SF3A2: variants seen among roughly 807,000 people sequenced by gnomAD.
SF3A2 encodes splicing factor 3a subunit 2, also known as SAP 62.
In SF3A2, 5 loss-of-function variants were observed where a neutral mutation model predicts 31.1. The ratio of observed to expected loss-of-function variants is 0.16; its 90% CI spans 0.08 to 0.34. The LOEUF (loss-of-function observed/expected upper bound fraction) is 0.34, where lower values mean the gene tolerates loss of function less well. Ranked by LOEUF, SF3A2 falls within the 10% of genes least tolerant of loss-of-function variation. SF3A2 has a pLI of 1.00. For synonymous variants in SF3A2, 365 were observed against 263.7 expected (o/e 1.38, Z -3.72); for missense variants, 577 against 643.9 (o/e 0.90, Z 1.13).
At chr19:2,239,371 A>G (rs2024869211) in intron 1 of SF3A2, among the ~76,000 whole-genome samples, 1 of 150,922 alleles carries the variant, frequency 6.6e-6, no homozygotes, top group African/African-American at 2.5e-5. Context: ...AAAAAAAAAA[A>G]AAAAGAGAGA....
chr19:2,244,421 A>G, intron 2 of SF3A2, 123 bp from the exon 3 acceptor site: 1 of 743,250 alleles, frequency 1.3e-6, no homozygotes, highest in South Asian at 1.6e-5. Flanking sequence ...AGCGGTAGCC[A>G]TGCCTCTACA....
intron 1 of SF3A2, chr19:2,237,285 G>T (rs567385769): frequency 6.6e-6 from 1 of 151,590 alleles, no homozygotes; most frequent in Non-Finnish European, 1.5e-5. Context: ...GCCAGGAGTG[G>T]TGGTTGTACC....
intron 2 of SF3A2, 61 bp from the exon 3 acceptor site, chr19:2,244,483 G>T: frequency 7.4e-7 from 1 of 1,359,624 alleles, no homozygotes; most frequent in South Asian, 1.2e-5. Context: ...CCGCCTCTGA[G>T]GGCCTTGACG....
chr19:2,241,171 G>A (rs929894900), intron 1 of SF3A2, among the ~76,000 whole-genome samples: 5 of 152,284 alleles, frequency 3.3e-5, no homozygotes, highest in Admixed American at 6.5e-5. Flanking sequence ...GGAGCAGGTC[G>A]TCCTCCCGGG....
At chr19:2,247,311 G>C (rs1005572526) in intron 7 of SF3A2, 1 of 551,606 alleles carries the variant, frequency 1.8e-6, no homozygotes, top group African/African-American at 1.9e-5. Flanking sequence ...GGCTGCTGGA[G>C]GGCTTCCTAC....
Position 2,245,370 on chromosome 19 carries a change from G to A in SF3A2, c.246-76G>A. 1 of 1,093,350 alleles carries A rather than the reference G, an allele frequency of 9.1e-7. No homozygotes were observed. Among genetic ancestry groups the A allele is most frequent in the South Asian group, 1.4e-5 (1 of 72,684 alleles). The allele number at this position is 1,093,350 out of a possible 1,614,324, so 67.7% of individuals were successfully genotyped here. A position where few individuals can be genotyped will look rare whatever the true frequency, so the allele number is the denominator to read the frequency against. ...TTGTAGTGAGCTCCAAGGTCAGGGG[G>A]CTCCTGGCACCTGGGCCCATGGCTT... On this transcript the variant is annotated intron_variant, in intron 4 of 8. Transcript: ENST00000221494. This position sits in a 1 kb window ranked among gnomAD's most constrained non-coding sequence, Gnocchi z 4.2.
In SF3A2 at chr19:2,247,934, G is replaced by T; in HGVS notation, c.783G>T (p.Leu261=). 6.6e-7 allele frequency: 1 copy of T among 1,513,468 alleles called. No individual in the cohort carries two copies. The highest frequency in any genetic ancestry group is 9.0e-7 in the Non-Finnish European group (1 of 1,109,636). 93.8% of individuals were successfully genotyped at this position (1,513,468 alleles called of 1,614,324 possible). A position where few individuals can be genotyped will look rare whatever the true frequency, so the allele number is the denominator to read the frequency against. Residue 261 remains leucine (L), a synonymous_variant, in exon 9 of 9, where the codon CTG becomes CTT. Transcript: ENST00000221494. ...LPPPPPGGLP[L]PPMPPTGPAP... ...CGCCCCCGCCAGGAGGCCTGCCTCT[G>T]CCACCCATGCCCCCCACAGGGCCTG...
chr19:2,239,356 CAAAAAAA>C (rs60571903), intron 1 of SF3A2, among the ~76,000 whole-genome samples: 2 of 100,076 alleles, frequency 2.0e-5, no homozygotes, highest in Admixed American at 1.0e-4. Flanking sequence ...GAATCCGTCT[CAAAAAAA>C]AAAAAAAAAA....
Position 2,245,398 on chromosome 19 carries a change from G to C in SF3A2, c.246-48G>C. 7.1e-7 allele frequency: 1 copy of C among 1,415,400 alleles called. No individual in the cohort carries two copies. Among genetic ancestry groups the C allele is most frequent in the East Asian group, 2.5e-5 (1 of 40,138 alleles). 87.7% of individuals were successfully genotyped at this position (1,415,400 alleles called of 1,614,324 possible). On this transcript the variant is annotated intron_variant, in intron 4 of 8. Coordinates refer to ENST00000221494, the MANE Select transcript of SF3A2 (RefSeq NM_007165.5). The surrounding 1 kb of genome is among the most constrained non-coding windows in gnomAD (Gnocchi z 4.2). ...CCTGGCACCTGGGCCCATGGCTTTG[G>C]TGCCTGTGTGTGGAGGGGTCCCAGC...
chr19:2,240,208 GC>G (rs2024877041), intron 1 of SF3A2, among the ~76,000 whole-genome samples: 1 of 152,174 alleles, frequency 6.6e-6, no homozygotes, highest in Non-Finnish European at 1.5e-5. Flanking sequence ...TCCGTGCTGG[GC>G]CGCCTGCCAC....
Position 2,247,943 on chromosome 19 carries a change from GCC to G in SF3A2, c.797_798del (p.Pro266HisfsTer?). 1 of 1,457,402 alleles carries G rather than the reference GCC, an allele frequency of 6.9e-7. No individual in the cohort carries two copies. The allele number at this position is 1,457,402 out of a possible 1,614,324, so 90.3% of individuals were successfully genotyped here. ...CAGGAGGCCTGCCTCTGCCACCCAT[GCC>G]CCCCACAGGGCCTGCGCCCTCAGGG... ...PPGGLPLPPM[P>X]PTGPAPSGPP... On this transcript the variant is annotated frameshift_variant, in exon 9 of 9. Coordinates refer to ENST00000221494, the MANE Select transcript of SF3A2 (RefSeq NM_007165.5). LOFTEE classifies it low-confidence loss of function (END_TRUNC).
chr19:2,237,626 G>C (rs1451888706), intron 1 of SF3A2: 1 of 152,154 alleles, frequency 6.6e-6, no homozygotes, highest in Non-Finnish European at 1.5e-5. Flanking sequence ...GGGTCGAATC[G>C]GGATCGCGGC....
intron 1 of SF3A2, chr19:2,237,583 A>C (rs2024841792): frequency 6.6e-6 from 1 of 152,150 alleles, no homozygotes; most frequent in South Asian, 2.1e-4. Flanking sequence ...ACCCTGTTTG[A>C]CAAAATAAAA....
In SF3A2 at chr19:2,248,014, A is replaced by AC. The variant is rs1404234638; in HGVS notation, c.869dup (p.Ala291GlyfsTer?). ...CTACCCCCGCCAGCTCCAGGGGTCC[A>AC]CCCCCCGGCCCCAGTGGTGCATCCC... On this transcript the variant is annotated frameshift_variant, in exon 9 of 9. Transcript: ENST00000221494. LOFTEE classifies it low-confidence loss of function (END_TRUNC). 11 of 829,572 alleles carry AC rather than the reference A, an allele frequency of 1.3e-5. No homozygotes were observed. The highest frequency in any genetic ancestry group is 2.0e-5 in the Non-Finnish European group (11 of 551,130). 51.4% of individuals were successfully genotyped at this position (829,572 alleles called of 1,614,324 possible).
Position 2,245,275 on chromosome 19 carries a change from C to T in SF3A2, c.246-171C>T, listed in dbSNP as rs1190250065. On this transcript the variant is annotated intron_variant, in intron 4 of 8. Transcript: ENST00000221494. This position sits in a 1 kb window ranked among gnomAD's most constrained non-coding sequence, Gnocchi z 4.2. ...GGAGCATGACAGGAAGAGAACATGCCTGTCCTATCCCTGTCCTCAGCCAAA... is the reference window on the plus strand; with the variant it reads ...GGAGCATGACAGGAAGAGAACATGCTTGTCCTATCCCTGTCCTCAGCCAAA... 3.4e-6 allele frequency: 2 copies of T among 593,624 alleles called. No individual in the cohort carries two copies. The highest frequency in any genetic ancestry group is 6.0e-6 in the Non-Finnish European group (2 of 332,652). 36.8% of individuals were successfully genotyped at this position (593,624 alleles called of 1,614,324 possible). A position where few individuals can be genotyped will look rare whatever the true frequency, so the allele number is the denominator to read the frequency against.
chr19:2,245,406 G>A lies in SF3A2; in HGVS notation c.246-40G>A. On this transcript the variant is annotated intron_variant, in intron 4 of 8. Transcript: ENST00000221494. This position sits in a 1 kb window ranked among gnomAD's most constrained non-coding sequence, Gnocchi z 4.2. The stretch of plus-strand genomic sequence containing the variant: ...CTGGGCCCATGGCTTTGGTGCCTGT[G>A]TGTGGAGGGGTCCCAGCAGCACCTC... 8.2e-6 allele frequency: 12 copies of A among 1,463,576 alleles called. No homozygotes were observed. Among genetic ancestry groups the A allele is most frequent in the Non-Finnish European group, 1.1e-5 (12 of 1,069,444 alleles). The allele number at this position is 1,463,576 out of a possible 1,614,324, so 90.7% of individuals were successfully genotyped here.
rs577868091 is a variant in SF3A2 at position 2,244,327 on chromosome 19, GGCCCACA to G, written c.127-212_127-206del. Among the ~76,000 whole-genome samples the G allele has an allele frequency of 3.0e-4, 45 of 152,314 alleles. No individual in the cohort carries two copies. The South Asian group carries it at 9.1e-3, about 31-fold the overall frequency. On this transcript the variant is annotated intron_variant, in intron 2 of 8. Transcript: ENST00000221494. ...TGGGAACCCCCACTGCTCGAAGCCT[GGCCCACA>G]GCCCCAGGTGGTGACACCCGTGCTC...
chr19:2,245,573 G>A lies in SF3A2; in HGVS notation c.355+18G>A, dbSNP rs763145631. On this transcript the variant is annotated intron_variant, in intron 5 of 8. Transcript: ENST00000221494. The surrounding 1 kb of genome is among the most constrained non-coding windows in gnomAD (Gnocchi z 4.2). ...CTACAAAGGTGAGTCTGCCCGCAGC[G>A]GGGCCGGCCACAGCCGCTGCCGTGA... 12 of 1,523,030 alleles carry A rather than the reference G, an allele frequency of 7.9e-6. No homozygotes were observed. Among genetic ancestry groups the A allele is most frequent in the East Asian group, 4.9e-5 (2 of 40,806 alleles). The allele number at this position is 1,523,030 out of a possible 1,614,324, so 94.3% of individuals were successfully genotyped here. A position where few individuals can be genotyped will look rare whatever the true frequency, so the allele number is the denominator to read the frequency against.
Position 2,248,277 on chromosome 19 carries a change from G to A in SF3A2, c.1126G>A (p.Ala376Thr). 5 of 1,392,666 alleles carry A rather than the reference G, an allele frequency of 3.6e-6. No homozygotes were observed. Among genetic ancestry groups the A allele is most frequent in the Non-Finnish European group, 3.7e-6 (4 of 1,077,670 alleles). The allele number at this position is 1,392,666 out of a possible 1,614,324, so 86.3% of individuals were successfully genotyped here. A position where few individuals can be genotyped will look rare whatever the true frequency, so the allele number is the denominator to read the frequency against. Residue 376 changes from alanine to threonine, a missense_variant, in exon 9 of 9, where the codon GCC becomes ACC. By Grantham distance (58) the Ala-to-Thr change is moderately conservative (BLOSUM62 0). This residue lies in a region of SF3A2 where 462 missense variants were observed against 339.1 expected (regional missense o/e 1.36). Coordinates refer to ENST00000221494, the MANE Select transcript of SF3A2 (RefSeq NM_007165.5). ...CCCATCAGCGGGGGTTCACCCCCAG[G>A]CCCCGGGGGTGCACCCAGCAGCCCC... ...PPPSAGVHPQ[A>T]PGVHPAAPAV...
Sources: gnomAD v4.1 joint callset for allele counts (sites outside exome capture counted in the v4.1 genomes callset) on GRCh38, gnomAD v4.1.1 for gene constraint, gnomAD v4.1.1 regional missense constraint, Gnocchi (gnomAD v3.1) non-coding constraint, MANE v1.5 for transcripts, NCBI Gene and HGNC (gene_info 2026-07-23, HGNC 2026-07-21) for gene names.